Variants in KAZN observed in about 807,000 individuals in gnomAD.
KAZN encodes the protein kazrin, periplakin interacting protein.
Under a neutral mutation model 87.4 loss-of-function variants are expected in KAZN, and 40 were observed. The ratio of observed to expected loss-of-function variants is 0.46; its 90% confidence interval spans 0.36 to 0.60. The LOEUF (loss-of-function observed/expected upper bound fraction) is 0.60, where lower values mean the gene tolerates loss of function less well. Ranked by LOEUF, KAZN falls within the 20% of genes least tolerant of loss-of-function variation. The probability of loss-of-function intolerance (pLI) is 0.00; values close to 1 mark genes in which losing one functional copy is unlikely to be tolerated. For missense variants in KAZN, 898 were observed against 1,073.9 expected (o/e 0.84, Z 2.29); for synonymous variants, 466 against 458.3 (o/e 1.02, Z -0.22).
intron 2 of KAZN, among the ~76,000 whole-genome samples, chr1:14,524,154 T>G (rs1234749848): frequency 6.6e-6 from 1 of 152,068 alleles, no homozygotes; most frequent in Non-Finnish European, 1.5e-5. Flanking sequence ...CCCGAGTAGC[T>G]GGGATTACAG....
At chr1:14,009,346 A>G (rs550329417) in intron 1 of KAZN, among the ~76,000 whole-genome samples, 1 of 152,192 alleles carries the variant, frequency 6.6e-6, no homozygotes, top group South Asian at 2.1e-4. Context: ...GCTAGGTCAT[A>G]TGGTAATTCT....
chr1:14,532,964 A>ATAATCCTTTGG, intron 2 of KAZN, among the ~76,000 whole-genome samples: 1 of 152,152 alleles, frequency 6.6e-6, no homozygotes, highest in East Asian at 1.9e-4. Context: ...AACATGATTT[A>ATAATCCTTTGG]TAATCCTTTG....
At chr1:14,100,186 T>G (rs1181167327) in intron 1 of KAZN, among the ~76,000 whole-genome samples, 1 of 152,176 alleles carries the variant, frequency 6.6e-6, no homozygotes, top group Non-Finnish European at 1.5e-5. Context: ...ACCCTGCCTA[T>G]CCTTAATAAA....
chr1:14,402,235 G>A (rs1283602318), intron 2 of KAZN, among the ~76,000 whole-genome samples: 1 of 141,982 alleles, frequency 7.0e-6, no homozygotes, highest in Middle Eastern at 3.2e-3. Flanking sequence ...AGTTTCTATA[G>A]GCCAAAAAAA....
chr1:14,989,925 T>C (rs763424661), intron 2 of KAZN, among the ~76,000 whole-genome samples: 4 of 152,198 alleles, frequency 2.6e-5, no homozygotes, highest in Non-Finnish European at 4.4e-5. Context: ...GCAGAGGAGA[T>C]AGGCATCGAT....
intron 2 of KAZN, among the ~76,000 whole-genome samples, chr1:14,523,997 GTTTTGT>G (rs1389600969): frequency 1.2e-4 from 4 of 33,806 alleles, no homozygotes; most frequent in Admixed American, 2.8e-4. Flanking sequence ...CACTCGTTTT[GTTTTGT>G]TTTGTTTTGT....
At chr1:14,328,119 A>T (rs564189630) in intron 2 of KAZN, among the ~76,000 whole-genome samples, 1 of 152,198 alleles carries the variant, frequency 6.6e-6, no homozygotes, top group East Asian at 1.9e-4. Flanking sequence ...TTTCCTCCCC[A>T]ATGGAGTAAT....
At chr1:14,932,370 A>G (rs1257222437) in intron 1 of KAZN, among the ~76,000 whole-genome samples, 1 of 152,130 alleles carries the variant, frequency 6.6e-6, no homozygotes, top group Non-Finnish European at 1.5e-5. Context: ...TGTCAGCCAG[A>G]CAGTGGAGAG....
Position 14,622,305 on chromosome 1 carries a change from C to A in KAZN, c.226+23082C>A, listed in dbSNP as rs548187822. 3.9e-5 allele frequency among the ~76,000 whole-genome samples: 6 copies of A among 152,138 alleles called. No homozygotes were observed. The South Asian group carries it at 1.2e-3, about 32-fold the overall frequency. On this transcript the variant is annotated intron_variant, in intron 1 of 14. Transcript: ENST00000376030. ...AAGTATGGGTTTGCTTAATATTAGG[C>A]CTTCATGGGAGTTTGGAAAAAATAC...
At chr1:14,434,224 A>T (rs1279577606) in intron 2 of KAZN, among the ~76,000 whole-genome samples, 1 of 152,072 alleles carries the variant, frequency 6.6e-6, no homozygotes, top group Non-Finnish European at 1.5e-5. Flanking sequence ...GGCTATCATG[A>T]AAAAAATCCT....
intron 1 of KAZN, among the ~76,000 whole-genome samples, chr1:14,752,023 G>A (rs555601413): frequency 1.2e-4 from 18 of 152,322 alleles, no homozygotes; most frequent in Middle Eastern, 3.4e-3. Flanking sequence ...GCCTCGGGCT[G>A]CTTCCACTCA....
At chr1:14,552,435 G>A (rs531022510) in intron 2 of KAZN, among the ~76,000 whole-genome samples, 15 of 152,322 alleles carry the variant, frequency 9.8e-5, no homozygotes, top group East Asian at 3.9e-4. Flanking sequence ...CTCCCCTTCC[G>A]GCAACCGGCA....
intron 2 of KAZN, among the ~76,000 whole-genome samples, chr1:14,252,416 A>G: frequency 6.6e-6 from 1 of 152,162 alleles, no homozygotes; most frequent in East Asian, 1.9e-4. Flanking sequence ...TCCTGGAGAT[A>G]CCTTAATGAT....
intron 1 of KAZN, among the ~76,000 whole-genome samples, chr1:14,690,757 A>G (rs1298594561): frequency 9.2e-5 from 14 of 152,340 alleles, no homozygotes; most frequent in African/African-American, 3.4e-4. Context: ...TCTAATATCC[A>G]TAATTCATTC....
intron 2 of KAZN, among the ~76,000 whole-genome samples, chr1:14,521,208 C>T (rs997692460): frequency 2.6e-5 from 4 of 152,134 alleles, no homozygotes; most frequent in African/African-American, 9.7e-5. Flanking sequence ...TGATGATGCC[C>T]CCAAAACGCC....
intron 2 of KAZN, among the ~76,000 whole-genome samples, chr1:14,276,034 C>T (rs1312850481): frequency 6.6e-6 from 1 of 152,126 alleles, no homozygotes; most frequent in Non-Finnish European, 1.5e-5. Context: ...ATTAGATGCA[C>T]AAACACAAGA....
intron 2 of KAZN, among the ~76,000 whole-genome samples, chr1:14,976,972 G>A (rs772996431): frequency 3.3e-5 from 5 of 152,218 alleles, no homozygotes; most frequent in African/African-American, 4.8e-5. Context: ...GGAGGATCAC[G>A]TGAACCCGGG....
At chr1:15,103,272 G>GA in intron 11 of KAZN, 87 bp from the exon 12 acceptor site, 1 of 951,112 alleles carries the variant, frequency 1.1e-6, no homozygotes, top group Non-Finnish European at 1.6e-6. Flanking sequence ...GTCTCGGGGG[G>GA]AAAAAGAGAT....
At chr1:14,629,298 C>T (rs1197366188) in intron 1 of KAZN, among the ~76,000 whole-genome samples, 1 of 152,216 alleles carries the variant, frequency 6.6e-6, no homozygotes, top group Admixed American at 6.5e-5. Flanking sequence ...GTTTTTCTCT[C>T]TCCAAGAGCC....
Sources: allele counts gnomAD v4.1 joint callset (sites outside exome capture counted in the v4.1 genomes callset), GRCh38; gene constraint gnomAD v4.1.1; transcripts MANE v1.5; gene names NCBI Gene and HGNC (gene_info 2026-07-23, HGNC 2026-07-21).